Variants in HEXB observed in about 807,000 individuals in gnomAD.
HEXB encodes hexosaminidase subunit beta.
HEXB carries 51 observed loss-of-function variants against 71.2 expected under a neutral mutation model. The ratio of observed to expected loss-of-function variants is 0.72; its 90% CI spans 0.57 to 0.90. The LOEUF (loss-of-function observed/expected upper bound fraction) is 0.90, where lower values mean the gene tolerates loss of function less well. HEXB is among the 40% of genes least tolerant of loss of function. The probability of loss-of-function intolerance (pLI) is 0.00; values close to 1 mark genes in which losing one functional copy is unlikely to be tolerated. For missense variants in HEXB, 617 were observed against 677.0 expected (o/e 0.91, Z 0.98); for synonymous variants, 266 against 249.3 (o/e 1.07, Z -0.63).
chr5:74,660,765 A>C (rs887251927), intron 1 of HEXB, among the ~76,000 whole-genome samples: 1 of 152,216 alleles, frequency 6.6e-6, no homozygotes, highest in African/African-American at 2.4e-5. Context: ...TGGAAAAAAA[A>C]CATAAAAAAT....
chr5:74,705,091 CAAAA>C (rs10644603), intron 5 of HEXB, 124 bp from the exon 6 acceptor site: 5,908 of 424,560 alleles, frequency 0.014, no homozygotes, highest in East Asian at 0.018. Context: ...GACCCTGTCT[CAAAA>C]AAAAAAAAAA....
chr5:74,662,093 G>A (rs1748337082), intron 1 of HEXB, among the ~76,000 whole-genome samples: 1 of 151,700 alleles, frequency 6.6e-6, no homozygotes, highest in South Asian at 2.1e-4. Context: ...AAATAAATGT[G>A]TTCATTGTAG....
At chr5:74,675,845 C>T (rs1298895334) in intron 1 of HEXB, among the ~76,000 whole-genome samples, 1 of 152,156 alleles carries the variant, frequency 6.6e-6, no homozygotes, top group African/African-American at 2.4e-5. Context: ...AAGATCTCTC[C>T]AGGCCAACAC....
chr5:74,670,198 C>A (rs908988143), intron 1 of HEXB, among the ~76,000 whole-genome samples: 1 of 151,858 alleles, frequency 6.6e-6, no homozygotes, highest in Non-Finnish European at 1.5e-5. Context: ...TTTTTTTGTA[C>A]ACTCTCATGC....
chr5:74,697,092 A>C lies in HEXB; in HGVS notation c.655A>C (p.Ile219Leu). 1 of 1,469,676 alleles carries C rather than the reference A, an allele frequency of 6.8e-7. No homozygotes were observed. The highest frequency in any genetic ancestry group is 9.5e-7 in the Non-Finnish European group (1 of 1,048,960). 91.0% of individuals were successfully genotyped at this position (1,469,676 alleles called of 1,614,324 possible). ...CAGACATTATCTGCCAGTTAAGATT[A>C]TTCTTAAAACTCTGGTAAGTAATTA... is the stretch of plus-strand genomic sequence containing the variant. ...TSRHYLPVKIILKTLDAMAFN... is the reference protein window; with the variant it reads ...TSRHYLPVKILLKTLDAMAFN... Residue 219 changes from isoleucine to leucine, a missense_variant, in exon 5 of 14, where the codon ATT becomes CTT. Coordinates refer to ENST00000261416, the MANE Select transcript of HEXB (RefSeq NM_000521.4).
At chr5:74,694,892 C>T (rs2112137834) in intron 3 of HEXB, among the ~76,000 whole-genome samples, 1 of 152,038 alleles carries the variant, frequency 6.6e-6, no homozygotes, top group South Asian at 2.1e-4. Context: ...ATTGCTTGAA[C>T]CTGGGAGAGG....
At chr5:74,710,536 A>G (rs1306327833) in intron 6 of HEXB, among the ~76,000 whole-genome samples, 1 of 152,022 alleles carries the variant, frequency 6.6e-6, no homozygotes, top group African/African-American at 2.4e-5. Context: ...TATCTAGAAA[A>G]CCCCATTGTC....
At chr5:74,702,954 TTTTG>T (rs1034408017) in intron 5 of HEXB, among the ~76,000 whole-genome samples, 10 of 152,196 alleles carry the variant, frequency 6.6e-5, no homozygotes, top group African/African-American at 1.7e-4. Flanking sequence ...TTCCCTGTTT[TTTTG>T]TTTGTTTGTT....
intron 1 of HEXB, among the ~76,000 whole-genome samples, chr5:74,664,256 C>CAA (rs61357222): frequency 9.4e-4 from 135 of 144,126 alleles, no homozygotes; most frequent in African/African-American, 1.5e-3. Context: ...AACTCCATCT[C>CAA]AAAAAAAAAA....
rs563708510 is a variant in HEXB at position 74,651,448 on chromosome 5, G to A, written c.-377+10890G>A. Among the ~76,000 whole-genome samples the A allele has an allele frequency of 8.5e-5, 13 of 152,224 alleles. No homozygotes were observed. In the South Asian group the frequency reaches 2.1e-3, roughly 24 times the overall value. ...AAATTATGCCCTTTGTTCTATACTC[G>A]CTAAGGCAAGAAAGTCTAACAAAAC... On this transcript the variant is annotated intron_variant, in intron 1 of 13. Coordinates refer to the HEXB transcript ENST00000511181.
At chr5:74,706,401 G>A (rs573332659) in intron 6 of HEXB, among the ~76,000 whole-genome samples, 176 of 152,354 alleles carry the variant, frequency 1.2e-3, no homozygotes, top group Middle Eastern at 6.8e-3. Context: ...ATTTCCATCT[G>A]AGGTACCAGG....
chr5:74,662,658 C>G (rs1748349238), intron 1 of HEXB, among the ~76,000 whole-genome samples: 1 of 152,160 alleles, frequency 6.6e-6, no homozygotes, highest in South Asian at 2.1e-4. Flanking sequence ...TCCCTTTGAC[C>G]ACACTGTCAC....
intron 6 of HEXB, among the ~76,000 whole-genome samples, chr5:74,712,387 AACCT>A (rs2112169566): frequency 6.6e-6 from 1 of 152,052 alleles, no homozygotes; most frequent in Non-Finnish European, 1.5e-5. Context: ...ATACGTAACT[AACCT>A]GCACATTGTG....
At chr5:74,674,889 G>A (rs922833227) in intron 1 of HEXB, among the ~76,000 whole-genome samples, 1 of 152,146 alleles carries the variant, frequency 6.6e-6, no homozygotes, top group African/African-American at 2.4e-5. Context: ...GTCTGAGCTA[G>A]AAATCTGATA....
intron 1 of HEXB, among the ~76,000 whole-genome samples, chr5:74,642,838 C>A (rs937269855): frequency 6.6e-6 from 1 of 152,164 alleles, no homozygotes; most frequent in Non-Finnish European, 1.5e-5. Flanking sequence ...GGAAAGAAAT[C>A]CGCTGGCCAT....
chr5:74,713,772 T>C lies in HEXB; in HGVS notation c.901+137T>C, dbSNP rs1021341105. The C allele has an allele frequency of 1.5e-5, 11 of 725,088 alleles. No individual in the cohort carries two copies. In the African/African-American group the frequency reaches 1.9e-4, roughly 13 times the overall value. 44.9% of individuals were successfully genotyped at this position (725,088 alleles called of 1,614,324 possible). A position where few individuals can be genotyped will look rare whatever the true frequency, so the allele number is the denominator to read the frequency against. On this transcript the variant is annotated intron_variant, in intron 7 of 13. Transcript: ENST00000261416. ...TCCACCTCCCAGGATCAAGCGATTC[T>C]CCTGCCTCAGCTTCCTGAGTAGCTG...
At chr5:74,714,288 G>T (rs1243214967) in intron 7 of HEXB, among the ~76,000 whole-genome samples, 1 of 152,196 alleles carries the variant, frequency 6.6e-6, no homozygotes, top group African/African-American at 2.4e-5. Context: ...TGTGTCTATT[G>T]TGAGCAAGTC....
At chr5:74,640,594 G>C (rs1224259622) in intron 1 of HEXB, 1 of 152,368 alleles carries the variant, frequency 6.6e-6, no homozygotes, top group Admixed American at 6.5e-5. Context: ...CAGGCGCCGC[G>C]GAAGGAGGCG....
At chr5:74,715,391 C>A in intron 7 of HEXB, 119 bp from the exon 8 acceptor site, 1 of 723,802 alleles carries the variant, frequency 1.4e-6, no homozygotes, top group South Asian at 1.7e-5. Context: ...TAAACATGTT[C>A]ATCTTTTGTG....
Sources: allele counts gnomAD v4.1 joint callset (sites outside exome capture counted in the v4.1 genomes callset), GRCh38; gene constraint gnomAD v4.1.1; transcripts MANE v1.5; gene names NCBI Gene and HGNC (gene_info 2026-07-23, HGNC 2026-07-21).